ATP6V1C1: variants seen among roughly 807,000 people sequenced by gnomAD.
ATP6V1C1 encodes ATPase H+ transporting V1 subunit C1.
In ATP6V1C1, 45 loss-of-function variants were observed where a neutral mutation model predicts 53.9. The ratio of observed to expected loss-of-function variants is 0.83; its 90% CI spans 0.66 to 1.07. The LOEUF is 1.07. Ranked by LOEUF, ATP6V1C1 falls within the 50% of genes least tolerant of loss-of-function variation. The pLI, the probability that ATP6V1C1 is intolerant of heterozygous loss-of-function variation, is 0.00. For synonymous variants in ATP6V1C1, 153 were observed against 155.2 expected (o/e 0.99, Z 0.11); for missense variants, 315 against 440.3 (o/e 0.72, Z 2.55).
rs372629798 is a variant in ATP6V1C1 at position 103,052,764 on chromosome 8, C to T, written c.415C>T (p.Arg139Ter). 22 of 1,594,186 alleles carry T rather than the reference C, an allele frequency of 1.4e-5. No homozygotes were observed. Among genetic ancestry groups the T allele is most frequent in the South Asian group, 4.5e-5 (4 of 88,378 alleles). Residue 139 changes from arginine (R) to a stop codon, truncating the protein, a stop_gained, in exon 6 of 13, where the codon CGA (arginine) becomes TGA (stop). Transcript: ENST00000518738. LOFTEE classifies it high-confidence loss of function. ...VTQIDNDLKS[R>*]ASAYNNLKGN... ...TCAGATTGATAATGACCTGAAATCT[C>T]GAGCATCTGCATACAATAACCTGAA...
At chr8:103,047,430 GCACACACACACACACA>G (rs546475923) in intron 3 of ATP6V1C1, among the ~76,000 whole-genome samples, 5 of 104,948 alleles carry the variant, frequency 4.8e-5, no homozygotes, top group Non-Finnish European at 9.7e-5. Context: ...AAATGCGCGC[GCACACACACACACACA>G]CACACACACA....
chr8:103,029,613 A>T (rs915240030), intron 1 of ATP6V1C1, among the ~76,000 whole-genome samples: 30 of 151,986 alleles, frequency 2.0e-4, no homozygotes, highest in Admixed American at 7.9e-4. Context: ...CTCCCATGTG[A>T]TGTGTAATTA....
chr8:103,048,797 A>T, intron 3 of ATP6V1C1, 73 bp from the exon 4 acceptor site: 1 of 1,266,178 alleles, frequency 7.9e-7, no homozygotes, highest in Non-Finnish European at 1.1e-6. Context: ...GTCTTTATGT[A>T]ATATGTTCAT....
intron 1 of ATP6V1C1, among the ~76,000 whole-genome samples, chr8:103,028,051 A>G (rs950183075): frequency 1.3e-5 from 2 of 152,240 alleles, no homozygotes; most frequent in Admixed American, 1.3e-4. Flanking sequence ...GAGATGTGTG[A>G]CAAAACATAA....
intron 3 of ATP6V1C1, among the ~76,000 whole-genome samples, chr8:103,046,692 AGACTTTGGTAGTATT>A (rs778207222): frequency 2.0e-5 from 3 of 152,316 alleles, no homozygotes; most frequent in Non-Finnish European, 2.9e-5. Flanking sequence ...TGTCGTTGTT[AGACTTTGGTAGTATT>A]GACAGATGAT....
Position 103,035,165 on chromosome 8 carries a change from A to G in ATP6V1C1, c.-39-5633A>G, listed in dbSNP as rs1215385608. Among the ~76,000 whole-genome samples the G allele has an allele frequency of 2.0e-5, 3 of 152,292 alleles. No individual in the cohort carries two copies. In the East Asian group the frequency reaches 5.8e-4, roughly 29 times the overall value. ...TTTTGACTTTATTCACCCTTGACAT[A>G]AAAGACAAAGGCTTACTTAGGAACC... is the stretch of plus-strand genomic sequence containing the variant. On this transcript the variant is annotated intron_variant, in intron 1 of 12. Coordinates refer to ENST00000518738, the MANE Select transcript of ATP6V1C1 (RefSeq NM_001695.5).
chr8:103,024,468 C>T lies in ATP6V1C1; in HGVS notation c.-40+3243C>T, dbSNP rs545075482. Among the ~76,000 whole-genome samples, 7 of 152,270 alleles carry T rather than the reference C, an allele frequency of 4.6e-5. No individual in the cohort carries two copies. In the South Asian group the frequency reaches 1.5e-3, roughly 32 times the overall value. ...AAAGTAAACCTTTGCCAAAGGTCTC[C>T]ATGTAGTTTACCCGTCCCTAAGCAG... On this transcript the variant is annotated intron_variant, in intron 1 of 12. Coordinates refer to ENST00000518738, the MANE Select transcript of ATP6V1C1 (RefSeq NM_001695.5).
intron 1 of ATP6V1C1, among the ~76,000 whole-genome samples, chr8:103,026,382 T>G (rs1816693810): frequency 6.6e-6 from 1 of 152,234 alleles, no homozygotes; most frequent in Admixed American, 6.5e-5. Context: ...ATGAGTCTAA[T>G]AAAGATTAAA....
chr8:103,053,363 T>C (rs547629002), intron 6 of ATP6V1C1, among the ~76,000 whole-genome samples: 1 of 152,028 alleles, frequency 6.6e-6, no homozygotes, highest in East Asian at 1.9e-4. Flanking sequence ...GGAAAGTTGG[T>C]TGGATACTGT....
rs2131408427 is a variant in ATP6V1C1, at chr8:103,070,111, A to G, written c.*1364A>G. 6.6e-6 allele frequency: 1 copy of G among 152,312 alleles called. No individual in the cohort carries two copies. The highest frequency in any genetic ancestry group is 2.4e-5 in the African/African-American group (1 of 41,558). The allele number at this position is 152,312 out of a possible 1,614,324, so 9.4% of individuals were successfully genotyped here. On this transcript the variant is annotated 3_prime_UTR_variant, in exon 13 of 13. Transcript: ENST00000518738. ...ATCCTGTCACTTGCTTTTTTGCTTA[A>G]GAGTATATCTAAGAGAATCCTTTGT...
intron 1 of ATP6V1C1, among the ~76,000 whole-genome samples, chr8:103,037,082 A>G (rs921136471): frequency 6.6e-6 from 1 of 152,254 alleles, no homozygotes; most frequent in Non-Finnish European, 1.5e-5. Flanking sequence ...AGATTCGCTA[A>G]GTGCGAGAGT....
At chr8:103,057,045 G>A (rs567140720) in intron 8 of ATP6V1C1, among the ~76,000 whole-genome samples, 23 of 152,232 alleles carry the variant, frequency 1.5e-4, no homozygotes, top group African/African-American at 5.5e-4. Flanking sequence ...CAAAAAATTG[G>A]ACAAAATGCC....
rs1451305200 is a variant in ATP6V1C1, at chr8:103,064,711, T to C, written c.829-3T>C. 1.2e-6 allele frequency: 2 copies of C among 1,605,122 alleles called. No homozygotes were observed. The highest frequency in any genetic ancestry group is 4.5e-5 in the East Asian group (2 of 44,762). On this transcript the variant is annotated splice_polypyrimidine_tract_variant and splice_region_variant and intron_variant, in intron 10 of 12. Transcript: ENST00000518738. ...TTTGTGGTAATTTTTTTTCTTTTTA[T>C]AGGGACCACTTGTACGGTGGCTGAA... is the stretch of plus-strand genomic sequence containing the variant.
chr8:103,068,977 A>T lies in ATP6V1C1; in HGVS notation c.*230A>T, dbSNP rs1173309776. 7.2e-6 allele frequency: 2 copies of T among 279,410 alleles called. No homozygotes were observed. Among genetic ancestry groups the T allele is most frequent in the East Asian group, 6.2e-5 (1 of 16,118 alleles). The allele number at this position is 279,410 out of a possible 1,614,324, so 17.3% of individuals were successfully genotyped here. ...AGGTCTGTAAATGTGTACTAAAAAAATCAGAGTTTATTTATAAACAAAATA... is the reference window on the plus strand; with the variant it reads ...AGGTCTGTAAATGTGTACTAAAAAATTCAGAGTTTATTTATAAACAAAATA... On this transcript the variant is annotated 3_prime_UTR_variant, in exon 13 of 13. Transcript: ENST00000518738.
At chr8:103,051,387 A>C (rs1048128023) in intron 5 of ATP6V1C1, among the ~76,000 whole-genome samples, 1 of 152,148 alleles carries the variant, frequency 6.6e-6, no homozygotes, top group Non-Finnish European at 1.5e-5. Context: ...GTGTTTAAGA[A>C]AGTGTGAAAA....
intron 12 of ATP6V1C1, among the ~76,000 whole-genome samples, chr8:103,066,979 GA>G (rs376277795): frequency 0.014 from 1,819 of 131,856 alleles, 39 homozygotes; most frequent in African/African-American, 0.042. Context: ...TCTGAAAAAA[GA>G]AAAAAAAAAA....
intron 8 of ATP6V1C1, 114 bp downstream of exon 8, chr8:103,056,050 G>A: frequency 1.0e-6 from 1 of 988,088 alleles, no homozygotes; most frequent in South Asian, 1.4e-5. Flanking sequence ...AACCTCATGA[G>A]TGAGTTCTAT....
Position 103,053,237 on chromosome 8 carries a change from T to C in ATP6V1C1, c.473+415T>C, listed in dbSNP as rs531999406. Among the ~76,000 whole-genome samples the C allele has an allele frequency of 1.8e-4, 28 of 152,166 alleles. 1 individual carries two copies. The East Asian group carries it at 5.0e-3, about 27-fold the overall frequency. ...TGTTTTCAGAATTTAGGTTTTTCACTTGTTAGGTTTTTTAAAATAGGACTG... is the reference window on the plus strand; with the variant it reads ...TGTTTTCAGAATTTAGGTTTTTCACCTGTTAGGTTTTTTAAAATAGGACTG... On this transcript the variant is annotated intron_variant, in intron 6 of 12. Coordinates refer to ENST00000518738, the MANE Select transcript of ATP6V1C1 (RefSeq NM_001695.5).
intron 7 of ATP6V1C1, 75 bp from the exon 8 acceptor site, chr8:103,055,793 T>C: frequency 7.2e-7 from 1 of 1,386,424 alleles, no homozygotes; most frequent in Non-Finnish European, 1.0e-6. Context: ...TGTCTCATAA[T>C]TTTTTCTCTT....
Sources: allele counts gnomAD v4.1 joint callset (sites outside exome capture counted in the v4.1 genomes callset), GRCh38; gene constraint gnomAD v4.1.1; transcripts MANE v1.5; gene names NCBI Gene and HGNC (gene_info 2026-07-23, HGNC 2026-07-21).